The following SF3B1 variants were observed in gnomAD, a reference collection of about 807,000 sequenced individuals.
The protein encoded by SF3B1 is pre-mRNA processing 10.
In SF3B1, 12 loss-of-function variants were observed where a neutral mutation model predicts 153.8. That is an observed-to-expected ratio of 0.08 (90% CI 0.05 to 0.13). SF3B1 has a LOEUF of 0.13. Ranked by LOEUF, SF3B1 falls within the 10% of genes least tolerant of loss-of-function variation. SF3B1 has a pLI of 1.00. For missense variants in SF3B1, 513 were observed against 1,606.1 expected (o/e 0.32, Z 11.63); for synonymous variants, 498 against 525.2 (o/e 0.95, Z 0.71).
intron 9 of SF3B1, among the ~76,000 whole-genome samples, chr2:197,406,912 C>T (rs1321771723): frequency 6.6e-6 from 1 of 151,994 alleles, no homozygotes; most frequent in Non-Finnish European, 1.5e-5. Context: ...CACAGTGAGA[C>T]TCCCGTATCT....
chr2:197,416,666 A>G (rs2085152746), intron 6 of SF3B1, 75 bp downstream of exon 6: 1 of 1,306,324 alleles, frequency 7.7e-7, no homozygotes, highest in Non-Finnish European at 1.1e-6. Flanking sequence ...TGCTATGGCA[A>G]CCCAAGCAGA....
rs534224854 is a variant in SF3B1, at chr2:197,392,276, G to C, written c.*27C>G. ...CAAGTTTAAGGTGTGAAGTAGCTGT[G>C]CATTAAACACAAAATAAACAATAAA... On this transcript the variant is annotated 3_prime_UTR_variant, in exon 25 of 25. Coordinates refer to ENST00000335508, the MANE Select transcript of SF3B1 (RefSeq NM_012433.4). The C allele has an allele frequency of 1.3e-5, 12 of 909,850 alleles. No individual in the cohort carries two copies. In the East Asian group the frequency reaches 2.7e-4, roughly 20 times the overall value. The allele number at this position is 909,850 out of a possible 1,614,324, so 56.4% of individuals were successfully genotyped here.
chr2:197,393,379 C>T lies in SF3B1; in HGVS notation c.3540-191G>A, dbSNP rs115627472. On this transcript the variant is annotated intron_variant, in intron 23 of 24. Coordinates refer to ENST00000335508, the MANE Select transcript of SF3B1 (RefSeq NM_012433.4). ...ATATCTAATATATCCTTTAGAATAG[C>T]TTCCACTTGAGGACTTTTGCTTTAA... is the stretch of plus-strand genomic sequence containing the variant. 4.0e-4 allele frequency: 228 copies of T among 571,098 alleles called. 2 individuals carry two copies. The highest frequency in any genetic ancestry group is 4.0e-3 in the African/African-American group (210 of 52,872). The allele number at this position is 571,098 out of a possible 1,614,324, so 35.4% of individuals were successfully genotyped here. A position where few individuals can be genotyped will look rare whatever the true frequency, so the allele number is the denominator to read the frequency against.
intron 22 of SF3B1, among the ~76,000 whole-genome samples, chr2:197,396,801 T>G (rs1334952856): frequency 1.3e-5 from 2 of 152,212 alleles, no homozygotes; most frequent in Admixed American, 6.5e-5. Flanking sequence ...TTGCTGCATC[T>G]ATTTGCCTCT....
intron 23 of SF3B1, among the ~76,000 whole-genome samples, chr2:197,394,838 G>A (rs57437204): frequency 0.023 from 3,463 of 152,170 alleles, 125 homozygotes; most frequent in African/African-American, 0.08. Context: ...CTGGGAGGCA[G>A]AGGTTGCAGT....
At chr2:197,396,436 A>T in intron 22 of SF3B1, 108 bp from the exon 23 acceptor site, 2 of 850,158 alleles carry the variant, frequency 2.4e-6, no homozygotes, top group Non-Finnish European at 3.6e-6. Flanking sequence ...ATTACAGGGA[A>T]CTCAGTAATT....
At chr2:197,394,127 T>C (rs576798624) in intron 23 of SF3B1, among the ~76,000 whole-genome samples, 6 of 151,928 alleles carry the variant, frequency 3.9e-5, no homozygotes, top group African/African-American at 1.2e-4. Flanking sequence ...GAGGTTGCAG[T>C]GAGTCGAGAT....
chr2:197,423,250 G>C (rs906595455), intron 2 of SF3B1, among the ~76,000 whole-genome samples: 2 of 152,014 alleles, frequency 1.3e-5, no homozygotes, highest in African/African-American at 4.8e-5. Context: ...AGCCAGGCAT[G>C]GTAGCAGGCG....
rs1172980505 is a variant in SF3B1, at chr2:197,408,028, T to C, written c.1209A>G (p.Glu403=). ...DERNRPLSDE[E]LDAMFPEGYK... ...ATCCTTCTGGGAACATAGCATCTAA[T>C]TCCTCATCAGAAAGTGGGCGATTTC... is the stretch of plus-strand genomic sequence containing the variant. Residue 403 remains glutamate (E), a synonymous_variant, in exon 9 of 25, where the codon GAA becomes GAG. Coordinates refer to ENST00000335508, the MANE Select transcript of SF3B1 (RefSeq NM_012433.4). The C allele has an allele frequency of 6.2e-6, 10 of 1,613,322 alleles. No individual in the cohort carries two copies. The Admixed American group carries it at 1.5e-4, about 24-fold the overall frequency.
intron 4 of SF3B1, chr2:197,420,181 T>C (rs2085217034): frequency 4.7e-6 from 2 of 422,444 alleles, no homozygotes; most frequent in East Asian, 7.0e-5. Context: ...GTAAAACCTT[T>C]AACCCTTTGC....
chr2:197,417,819 G>C (rs1045418200), intron 5 of SF3B1, among the ~76,000 whole-genome samples: 3 of 151,982 alleles, frequency 2.0e-5, no homozygotes, highest in Non-Finnish European at 4.4e-5. Context: ...TAGGCCAAAA[G>C]GAATTATTCA....
rs1465243209 is a variant in SF3B1, at chr2:197,403,761, C to T, written c.1543G>A (p.Ala515Thr). Residue 515 changes from alanine (A) to threonine (T), a missense_variant, in exon 12 of 25, where the codon GCA becomes ACA. By Grantham distance (58) the Ala-to-Thr change is moderately conservative. Around this residue, in one of 21 missense-constraint regions of SF3B1, gnomAD observed 34 missense variants for 190.8 expected, o/e 0.18. Transcript: ENST00000335508. ...GCTTTATCAGTAATCTGACGCAATGCAGCCTGGGAAAAAGAGCAGAGTAAT... is the reference window on the plus strand; with the variant it reads ...GCTTTATCAGTAATCTGACGCAATGTAGCCTGGGAAAAAGAGCAGAGTAAT... ...KNGTPPMRKA[A>T]LRQITDKARE... 1 of 1,580,628 alleles carries T rather than the reference C, an allele frequency of 6.3e-7. No individual in the cohort carries two copies. Among genetic ancestry groups the T allele is most frequent in the Admixed American group, 2.0e-5 (1 of 50,422 alleles).
In SF3B1 at chr2:197,396,145, C is replaced by G. The variant is rs560072330; in HGVS notation, c.3450G>C (p.Ser1150=). The change falls in exon 23 of 25, where the codon TCG becomes TCC. Residue 1150 remains serine (S), a synonymous_variant. Transcript: ENST00000335508. ...ELNVQNGVLK[S]LSFLFEYIGE... is the part of the protein sequence containing the mutation. ...CAATATATTCAAACAAGAAGGAAAG[C>G]GATTTTAACACTCCATTTTGAACAT... The G allele has an allele frequency of 9.3e-6, 15 of 1,613,624 alleles. No individual in the cohort carries two copies. The highest frequency in any genetic ancestry group is 1.3e-5 in the Non-Finnish European group (15 of 1,179,646).
At position 197,392,291 on chromosome 2, in the gene SF3B1, TAAAC is replaced by T. The variant is rs768418002; in HGVS notation, c.*8_*11del. 11 of 1,056,220 alleles carry T rather than the reference TAAAC, an allele frequency of 1.0e-5. No individual in the cohort carries two copies. In the African/African-American group the frequency reaches 1.3e-4, roughly 12 times the overall value. The allele number at this position is 1,056,220 out of a possible 1,614,324, so 65.4% of individuals were successfully genotyped here. A position where few individuals can be genotyped will look rare whatever the true frequency, so the allele number is the denominator to read the frequency against. On this transcript the variant is annotated 3_prime_UTR_variant, in exon 25 of 25. Transcript: ENST00000335508. ...AAGTAGCTGTGCATTAAACACAAAA[TAAAC>T]AATAAAATTATAAGATATAGTCAAG... is the stretch of plus-strand genomic sequence containing the variant.
chr2:197,427,797 G>T (rs2106021183), intron 1 of SF3B1, among the ~76,000 whole-genome samples: 1 of 152,110 alleles, frequency 6.6e-6, no homozygotes, highest in African/African-American at 2.4e-5. Context: ...GAGGCGGGTG[G>T]ATCACGAGGT....
chr2:197,413,212 C>A (rs532984026), intron 6 of SF3B1, among the ~76,000 whole-genome samples: 102 of 152,060 alleles, frequency 6.7e-4, no homozygotes, highest in Admixed American at 2.2e-3. Context: ...ACCAGCCTGG[C>A]CAACATGGAG....
intron 6 of SF3B1, among the ~76,000 whole-genome samples, chr2:197,413,349 T>C (rs2085100069): frequency 6.6e-6 from 1 of 152,140 alleles, no homozygotes; most frequent in Non-Finnish European, 1.5e-5. Flanking sequence ...TGCAATGAGC[T>C]GAGATTGCAC....
rs2084932581 is a variant in SF3B1 at position 197,401,047 on chromosome 2, T to C, written c.2497-111A>G. 1.5e-6 allele frequency: 1 copy of C among 669,490 alleles called. No homozygotes were observed. The highest frequency in any genetic ancestry group is 2.5e-6 in the Non-Finnish European group (1 of 396,768). The allele number at this position is 669,490 out of a possible 1,614,324, so 41.5% of individuals were successfully genotyped here. On this transcript the variant is annotated intron_variant, in intron 17 of 24. Coordinates refer to ENST00000335508, the MANE Select transcript of SF3B1 (RefSeq NM_012433.4). The surrounding 1 kb of genome is among the most constrained non-coding windows in gnomAD (Gnocchi z 4.2). ...ATACTACTTATTTAGCTAATAAACA[T>C]GGTAAGAATGATTCATTGCTACTTA...
intron 2 of SF3B1, among the ~76,000 whole-genome samples, chr2:197,423,422 AAG>A (rs2085280980): frequency 6.6e-6 from 1 of 152,054 alleles, no homozygotes; most frequent in African/African-American, 2.4e-5. Context: ...TTAAGATACC[AAG>A]AGGAGAAAAA....
Sources: gnomAD v4.1 joint callset for allele counts (sites outside exome capture counted in the v4.1 genomes callset) on GRCh38, gnomAD v4.1.1 for gene constraint, gnomAD v4.1.1 regional missense constraint, Gnocchi (gnomAD v3.1) non-coding constraint, MANE v1.5 for transcripts, NCBI Gene and HGNC (gene_info 2026-07-23, HGNC 2026-07-21) for gene names.